Variants in BCL2L13 observed in about 807,000 individuals in gnomAD.
BCL2L13 encodes bcl-2-like protein 13.
BCL2L13 carries 13 observed loss-of-function variants against 25.8 expected under a neutral mutation model. The ratio of observed to expected loss-of-function variants is 0.50; its 90% confidence interval spans 0.33 to 0.80. The LOEUF is 0.80. BCL2L13 is among the 30% of genes least tolerant of loss of function. The pLI is 0.02. For synonymous variants in BCL2L13, 244 were observed against 230.3 expected, an observed-to-expected ratio of 1.06 and a Z score of -0.54; for missense variants, 504 against 574.9, an observed-to-expected ratio of 0.88 and a Z score of 1.26.
intron 4 of BCL2L13, among the ~76,000 whole-genome samples, chr22:17,690,586 C>T (rs138326847): frequency 3.3e-5 from 5 of 152,076 alleles, no homozygotes; most frequent in Middle Eastern, 3.4e-3. Context: ...TAGCCAGACC[C>T]TGTCTCTACA....
At chr22:17,715,905 G>A (rs1014815890) in intron 6 of BCL2L13, among the ~76,000 whole-genome samples, 2 of 152,316 alleles carry the variant, frequency 1.3e-5, no homozygotes, top group Non-Finnish European at 2.9e-5. Flanking sequence ...GTACCTAACA[G>A]TACTTGATGT....
intron 2 of BCL2L13, among the ~76,000 whole-genome samples, chr22:17,672,085 A>C (rs560069551): frequency 6.6e-6 from 1 of 152,346 alleles, no homozygotes; most frequent in Non-Finnish European, 1.5e-5. Flanking sequence ...TTTAATGAAC[A>C]ATTGAACCAT....
At chr22:17,657,497 G>A (rs2058912957) in intron 2 of BCL2L13, among the ~76,000 whole-genome samples, 1 of 151,810 alleles carries the variant, frequency 6.6e-6, no homozygotes, top group African/African-American at 2.4e-5. Flanking sequence ...TGTCTGTGAA[G>A]CCCTCTGTGA....
At chr22:17,706,362 C>T (rs375372973) in intron 6 of BCL2L13, among the ~76,000 whole-genome samples, 8 of 151,450 alleles carry the variant, frequency 5.3e-5, no homozygotes, top group Admixed American at 1.3e-4. Flanking sequence ...CCTTTTTACC[C>T]GGCGAATGAT....
intron 1 of BCL2L13, among the ~76,000 whole-genome samples, chr22:17,646,955 A>ATATATATTTTTTT (rs768488873): frequency 1.8e-4 from 4 of 22,188 alleles, no homozygotes; most frequent in Admixed American, 1.3e-3. Context: ...ATATATATAT[A>ATATATATTTTTTT]TTTTTTTTTT....
Position 17,727,747 on chromosome 22 carries a change from C to T in BCL2L13, c.*213C>T. On this transcript the variant is annotated 3_prime_UTR_variant, in exon 7 of 7. Coordinates refer to ENST00000317582, the MANE Select transcript of BCL2L13 (RefSeq NM_015367.4). ...TAAATCCCAAGGGCCTCCGCTCATG[C>T]TAAATTGAGAATCTTAGGGGTAAAG... is the stretch of plus-strand genomic sequence containing the variant. The T allele has an allele frequency of 1.5e-6, 1 of 652,080 alleles. No individual in the cohort carries two copies. Among genetic ancestry groups the T allele is most frequent in the Non-Finnish European group, 2.6e-6 (1 of 390,132 alleles). 40.4% of individuals were successfully genotyped at this position (652,080 alleles called of 1,614,324 possible).
At chr22:17,664,084 G>A (rs1169278834) in intron 2 of BCL2L13, among the ~76,000 whole-genome samples, 1 of 152,042 alleles carries the variant, frequency 6.6e-6, no homozygotes, top group East Asian at 1.9e-4. Context: ...CCTGACCTCA[G>A]GTGACCCACC....
At chr22:17,723,673 G>A (rs145016849) in intron 6 of BCL2L13, among the ~76,000 whole-genome samples, 42 of 152,236 alleles carry the variant, frequency 2.8e-4, no homozygotes, top group East Asian at 1.2e-3. Flanking sequence ...GGTGTCTCAC[G>A]CCTGTAATCC....
In BCL2L13 at chr22:17,730,152, G is replaced by A. The variant is rs1322460577; in HGVS notation, c.*2618G>A. The A allele has an allele frequency of 6.6e-6, 1 of 152,118 alleles. No homozygotes were observed. The highest frequency in any genetic ancestry group is 2.4e-5 in the African/African-American group (1 of 41,414). The allele number at this position is 152,118 out of a possible 1,614,324, so 9.4% of individuals were successfully genotyped here. A position where few individuals can be genotyped will look rare whatever the true frequency, so the allele number is the denominator to read the frequency against. Reference sequence around the variant, plus strand: ...CTCTGTTGAAGGTAATGATTTATTGGGGGGAAAAAACAACGCCAATTTATC... The same window carrying A: ...CTCTGTTGAAGGTAATGATTTATTGAGGGGAAAAAACAACGCCAATTTATC... On this transcript the variant is annotated 3_prime_UTR_variant, in exon 7 of 7. Transcript: ENST00000317582.
At chr22:17,635,212 A>C (rs6518485), upstream of BCL2L13, among the ~76,000 whole-genome samples, 6,644 of 150,892 alleles carry the variant, frequency 0.044, 481 homozygotes, top group African/African-American at 0.15. Context: ...ACACAGCAAG[A>C]CGCTATCTCT....
intron 4 of BCL2L13, among the ~76,000 whole-genome samples, chr22:17,691,480 A>G (rs924211494): frequency 6.6e-6 from 1 of 152,130 alleles, no homozygotes; most frequent in Non-Finnish European, 1.5e-5. Context: ...CCCCGTCTCT[A>G]CTAAAAATAC....
intron 2 of BCL2L13, among the ~76,000 whole-genome samples, chr22:17,669,035 T>C (rs1219585046): frequency 3.5e-5 from 5 of 142,470 alleles, no homozygotes; most frequent in Non-Finnish European, 6.2e-5. Flanking sequence ...TCTTTCTTTT[T>C]TTTTTTTTTT....
chr22:17,656,335 C>CTTT (rs890631679), intron 2 of BCL2L13, among the ~76,000 whole-genome samples: 714 of 57,884 alleles, frequency 0.012, 113 homozygotes, highest in East Asian at 0.021. Flanking sequence ...TCATTTTATT[C>CTTT]TTTTTTTTTT....
upstream of BCL2L13, among the ~76,000 whole-genome samples, chr22:17,634,209 G>A (rs576260629): frequency 1.7e-4 from 26 of 151,584 alleles, 1 homozygote; most frequent in East Asian, 3.3e-3. Flanking sequence ...TTTTTGAGAC[G>A]GAGTCTCACT....
chr22:17,683,441 A>T, intron 3 of BCL2L13, 120 bp downstream of exon 3: 1 of 593,960 alleles, frequency 1.7e-6, no homozygotes, highest in Non-Finnish European at 2.9e-6. Flanking sequence ...CACCAATTAT[A>T]CATTGGTAGA....
Position 17,728,556 on chromosome 22 carries a change from T to A in BCL2L13, c.*1022T>A, listed in dbSNP as rs2061352233. On this transcript the variant is annotated 3_prime_UTR_variant, in exon 7 of 7. Transcript: ENST00000317582. The stretch of plus-strand genomic sequence containing the variant: ...CCCTGTCTATAACCTTGGGCTAGTA[T>A]ATTTTTTCCAATATGGGACCTTAGT... 6.6e-6 allele frequency: 1 copy of A among 152,238 alleles called. No individual in the cohort carries two copies. Among genetic ancestry groups the A allele is most frequent in the Non-Finnish European group, 1.5e-5 (1 of 68,034 alleles). 9.4% of individuals were successfully genotyped at this position (152,238 alleles called of 1,614,324 possible).
chr22:17,682,034 A>C (rs551925351), intron 2 of BCL2L13, among the ~76,000 whole-genome samples: 1 of 152,330 alleles, frequency 6.6e-6, no homozygotes, highest in East Asian at 1.9e-4. Context: ...GATATTAGCC[A>C]TTATTGTGTA....
In BCL2L13 at chr22:17,719,846, A is replaced by AAAAAAC. The variant is rs1555897108; in HGVS notation, c.601-6827_601-6826insACAAAA. Among the ~76,000 whole-genome samples, 35 of 129,144 alleles carry AAAAAAC rather than the reference A, an allele frequency of 2.7e-4. 3 individuals are homozygous for AAAAAAC. Among genetic ancestry groups the AAAAAAC allele is most frequent in the South Asian group, 7.7e-4 (3 of 3,910 alleles). 84.7% of individuals were successfully genotyped at this position (129,144 alleles called of 152,430 possible). A position where few individuals can be genotyped will look rare whatever the true frequency, so the allele number is the denominator to read the frequency against. On this transcript the variant is annotated intron_variant, in intron 6 of 6. Transcript: ENST00000317582. ...CCATCTCAAAAAAAAAAAAAAAAAAAAAAAGAATGAAGTATGGATACATGC... is the reference window on the plus strand; with the variant it reads ...CCATCTCAAAAAAAAAAAAAAAAAAAAAAAACAAAAGAATGAAGTATGGATACATGC...
chr22:17,685,659 T>C (rs546894321), intron 3 of BCL2L13, among the ~76,000 whole-genome samples: 2 of 152,270 alleles, frequency 1.3e-5, no homozygotes, highest in South Asian at 4.2e-4. Context: ...AATGGAAATT[T>C]AGGTTGTTTC....
Sources: gnomAD v4.1 joint callset for allele counts (sites outside exome capture counted in the v4.1 genomes callset) on GRCh38, gnomAD v4.1.1 for gene constraint, MANE v1.5 for transcripts, NCBI Gene and HGNC (gene_info 2026-07-23, HGNC 2026-07-21) for gene names.